Variants in HS6ST3 observed in about 807,000 individuals in gnomAD.
The protein encoded by HS6ST3 is heparan sulfate 6-O-sulfotransferase 3.
A neutral mutation model predicts 36.7 loss-of-function variants in HS6ST3; 12 were observed. The observed-to-expected ratio is 0.33, with a 90% CI of 0.21 to 0.53. The LOEUF is 0.53. HS6ST3 is among the 20% of genes least tolerant of loss of function. HS6ST3 has a pLI of 0.95. For missense variants in HS6ST3, 584 were observed against 640.9 expected, an observed-to-expected ratio of 0.91 and a Z score of 0.96; for synonymous variants, 240 against 257.5, an observed-to-expected ratio of 0.93 and a Z score of 0.65.
chr13:96,668,593 A>C (rs1264209981), intron 1 of HS6ST3, among the ~76,000 whole-genome samples: 1 of 151,398 alleles, frequency 6.6e-6, no homozygotes, highest in Non-Finnish European at 1.5e-5. Flanking sequence ...TATTGGAGAC[A>C]GAAGAACTGG....
intron 1 of HS6ST3, among the ~76,000 whole-genome samples, chr13:96,671,244 C>A (rs1192524367): frequency 6.6e-6 from 1 of 152,000 alleles, no homozygotes; most frequent in Non-Finnish European, 1.5e-5. Context: ...ATGCCTTTAC[C>A]CCACCCTCCC....
chr13:96,365,343 T>C (rs1342871643), intron 1 of HS6ST3, among the ~76,000 whole-genome samples: 1 of 152,228 alleles, frequency 6.6e-6, no homozygotes, highest in African/African-American at 2.4e-5. Context: ...AGCATATGTT[T>C]TGTGTTTATG....
chr13:96,366,478 G>C (rs1359969955), intron 1 of HS6ST3, among the ~76,000 whole-genome samples: 1 of 93,328 alleles, frequency 1.1e-5, no homozygotes, highest in East Asian at 3.3e-4. Context: ...TAAATAAAAT[G>C]TGTAAAAATC....
chr13:96,757,534 A>T (rs1220053745), intron 1 of HS6ST3, among the ~76,000 whole-genome samples: 1 of 152,302 alleles, frequency 6.6e-6, no homozygotes, highest in South Asian at 2.1e-4. Context: ...ATTGAATAAA[A>T]TTGCTATGAT....
At chr13:96,231,157 A>G (rs919655712) in intron 1 of HS6ST3, among the ~76,000 whole-genome samples, 1 of 152,076 alleles carries the variant, frequency 6.6e-6, no homozygotes, top group African/African-American at 2.4e-5. Context: ...TTGGAGAAGA[A>G]AGCAAGTGGG....
At chr13:96,181,824 C>T (rs1053860544) in intron 1 of HS6ST3, among the ~76,000 whole-genome samples, 10 of 152,138 alleles carry the variant, frequency 6.6e-5, no homozygotes, top group African/African-American at 2.2e-4. Flanking sequence ...AATTTATATC[C>T]GCACCTCTGT....
intron 1 of HS6ST3, among the ~76,000 whole-genome samples, chr13:96,696,135 C>T (rs950761148): frequency 8.6e-5 from 13 of 152,040 alleles, no homozygotes; most frequent in African/African-American, 3.1e-4. Flanking sequence ...CTTACTTGAC[C>T]GTGGGGCTGG....
chr13:96,361,128 A>C (rs1357845077), intron 1 of HS6ST3, among the ~76,000 whole-genome samples: 1 of 152,180 alleles, frequency 6.6e-6, no homozygotes, highest in Non-Finnish European at 1.5e-5. Flanking sequence ...CTCTTGATTT[A>C]GAGAGTCTTT....
chr13:96,256,956 T>C (rs1382974065), intron 1 of HS6ST3, among the ~76,000 whole-genome samples: 4 of 152,194 alleles, frequency 2.6e-5, no homozygotes, highest in Non-Finnish European at 5.9e-5. Context: ...TCTCTATTTG[T>C]GGTTGATGTG....
chr13:96,580,415 G>A (rs1212567556), intron 1 of HS6ST3, among the ~76,000 whole-genome samples: 1 of 144,410 alleles, frequency 6.9e-6, no homozygotes, highest in Non-Finnish European at 1.5e-5. Context: ...CAAAATAGTT[G>A]TACCTTATAG....
At position 96,518,522 on chromosome 13, in the gene HS6ST3, A is replaced by G. The variant is rs1236125677; in HGVS notation, c.708-313968A>G. 2.6e-5 allele frequency among the ~76,000 whole-genome samples: 4 copies of G among 152,316 alleles called. No individual in the cohort carries two copies. In the East Asian group the frequency reaches 7.7e-4, roughly 29 times the overall value. On this transcript the variant is annotated intron_variant, in intron 1 of 1. Coordinates refer to ENST00000376705, the MANE Select transcript of HS6ST3 (RefSeq NM_153456.4). ...CAGCTTTTTTCACTATCTGCCAGGTAGTAAAAAGAAATTCTGTAAACATTC... is the reference window on the plus strand; with the variant it reads ...CAGCTTTTTTCACTATCTGCCAGGTGGTAAAAAGAAATTCTGTAAACATTC...
chr13:96,510,419 G>C (rs1476716168), intron 1 of HS6ST3, among the ~76,000 whole-genome samples: 1 of 152,122 alleles, frequency 6.6e-6, no homozygotes, highest in Non-Finnish European at 1.5e-5. Context: ...TTGAATAGGA[G>C]TGGTGAAAGT....
chr13:96,132,396 A>C (rs1450527573), intron 1 of HS6ST3, among the ~76,000 whole-genome samples: 1 of 151,504 alleles, frequency 6.6e-6, no homozygotes, highest in African/African-American at 2.4e-5. Flanking sequence ...AAAATGGCTG[A>C]ATTTTTTCTT....
At chr13:96,671,456 T>TA (rs2056682396) in intron 1 of HS6ST3, among the ~76,000 whole-genome samples, 1 of 152,154 alleles carries the variant, frequency 6.6e-6, no homozygotes, top group Non-Finnish European at 1.5e-5. Context: ...ACAGTTACCA[T>TA]AAATCAGTTG....
chr13:96,167,617 A>G (rs1375914826), intron 1 of HS6ST3, among the ~76,000 whole-genome samples: 4 of 152,222 alleles, frequency 2.6e-5, no homozygotes, highest in Non-Finnish European at 5.9e-5. Context: ...CTTTGCAAAT[A>G]TGAAGCATCT....
At chr13:96,306,960 C>A (rs1334589184) in intron 1 of HS6ST3, among the ~76,000 whole-genome samples, 1 of 152,134 alleles carries the variant, frequency 6.6e-6, no homozygotes, top group African/African-American at 2.4e-5. Flanking sequence ...ATAGGCAACA[C>A]TGATTCAAGT....
chr13:96,303,341 T>G (rs2054893108), intron 1 of HS6ST3, among the ~76,000 whole-genome samples: 1 of 152,248 alleles, frequency 6.6e-6, no homozygotes, highest in African/African-American at 2.4e-5. Context: ...AGATCTGGGC[T>G]GCTGCCATTC....
chr13:96,756,643 A>G, intron 1 of HS6ST3, among the ~76,000 whole-genome samples: 1 of 152,210 alleles, frequency 6.6e-6, no homozygotes, highest in East Asian at 1.9e-4. Context: ...AGCATAGTGT[A>G]TAATATTTAA....
chr13:96,396,690 A>G (rs936623799), intron 1 of HS6ST3, among the ~76,000 whole-genome samples: 5 of 152,146 alleles, frequency 3.3e-5, no homozygotes, highest in African/African-American at 9.7e-5. Flanking sequence ...AACACTTACC[A>G]GCACAGCACT....
Sources: gnomAD v4.1 joint callset for allele counts (sites outside exome capture counted in the v4.1 genomes callset) on GRCh38, gnomAD v4.1.1 for gene constraint, MANE v1.5 for transcripts, NCBI Gene and HGNC (gene_info 2026-07-23, HGNC 2026-07-21) for gene names.